The following CNTN5 variants were observed in gnomAD, a reference collection of about 807,000 sequenced individuals.
CNTN5 encodes contactin-5.
Under a neutral mutation model 129.1 loss-of-function variants are expected in CNTN5, and 77 were observed. That is an observed-to-expected ratio of 0.60 (90% confidence interval 0.50 to 0.72). The LOEUF (loss-of-function observed/expected upper bound fraction) is 0.72. CNTN5 is among the 30% of genes least tolerant of loss of function. CNTN5 has a pLI of 0.00. For missense variants in CNTN5, 1,478 were observed against 1,328.8 expected (o/e 1.11, Z -1.75); for synonymous variants, 509 against 465.6 (o/e 1.09, Z -1.20).
chr11:100,031,865 C>A (rs1307533735), intron 9 of CNTN5, among the ~76,000 whole-genome samples: 2 of 152,172 alleles, frequency 1.3e-5, no homozygotes, highest in Non-Finnish European at 2.9e-5. Context: ...CACTAACCTA[C>A]CCCTGCCCTC....
chr11:99,916,727 A>T (rs552337922), intron 7 of CNTN5, among the ~76,000 whole-genome samples: 28 of 152,220 alleles, frequency 1.8e-4, no homozygotes, highest in African/African-American at 6.0e-4. Flanking sequence ...CAGATTAATT[A>T]TACGTCCTTT....
chr11:99,297,207 A>G (rs929488017), intron 1 of CNTN5, among the ~76,000 whole-genome samples: 2 of 152,218 alleles, frequency 1.3e-5, no homozygotes, highest in African/African-American at 4.8e-5. Context: ...CAAGCTCCCA[A>G]GGACATAAAA....
At chr11:99,973,829 C>G (rs77429145) in intron 8 of CNTN5, among the ~76,000 whole-genome samples, 2,930 of 152,234 alleles carry the variant, frequency 0.019, 39 homozygotes, top group Middle Eastern at 0.061. Flanking sequence ...AGAAGTGTTT[C>G]TTCCAGAGTT....
intron 1 of CNTN5, among the ~76,000 whole-genome samples, chr11:99,105,287 A>T (rs1866942733): frequency 7.0e-6 from 1 of 142,916 alleles, no homozygotes; most frequent in Non-Finnish European, 1.5e-5. Context: ...CCAAAAGCAT[A>T]AAAAAATTAC....
At chr11:99,078,666 C>T (rs1270598090) in intron 1 of CNTN5, among the ~76,000 whole-genome samples, 6 of 152,010 alleles carry the variant, frequency 3.9e-5, no homozygotes, top group African/African-American at 7.2e-5. Context: ...GAGGACAGTA[C>T]GTTAAGTGAA....
rs565908083 is a variant in CNTN5 at position 100,357,697 on chromosome 11, T to C, written c.*1477T>C. 6.6e-6 allele frequency: 1 copy of C among 151,942 alleles called. No homozygotes were observed. The highest frequency in any genetic ancestry group is 1.9e-4 in the East Asian group (1 of 5,164). The allele number at this position is 151,942 out of a possible 1,614,324, so 9.4% of individuals were successfully genotyped here. On this transcript the variant is annotated 3_prime_UTR_variant, in exon 25 of 25. Coordinates refer to ENST00000524871, the MANE Select transcript of CNTN5 (RefSeq NM_014361.4). ...TTATATAATTTAAACTTGTTAACTGTATTTGCTTCATTAATAACAAGCAAA... is the reference window on the plus strand; with the variant it reads ...TTATATAATTTAAACTTGTTAACTGCATTTGCTTCATTAATAACAAGCAAA...
At chr11:99,776,780 C>A (rs1945139488) in intron 3 of CNTN5, among the ~76,000 whole-genome samples, 1 of 149,060 alleles carries the variant, frequency 6.7e-6, no homozygotes. Flanking sequence ...ATAGGAAACT[C>A]AATGACAATT....
intron 8 of CNTN5, among the ~76,000 whole-genome samples, chr11:99,990,207 A>G (rs1299425156): frequency 2.0e-5 from 3 of 152,202 alleles, no homozygotes; most frequent in African/African-American, 7.2e-5. Flanking sequence ...GTGGAAAGAC[A>G]TGAATATATT....
rs114557488 is a variant in CNTN5, at chr11:99,280,982, A to G, written c.-209-44364A>G. The stretch of plus-strand genomic sequence containing the variant: ...TTGCAGATTAAAAAAAATCACATAA[A>G]ATTTCTAGTAAATCACAAAAATTTA... On this transcript the variant is annotated intron_variant, in intron 1 of 24. Coordinates refer to ENST00000524871, the MANE Select transcript of CNTN5 (RefSeq NM_014361.4). Among the ~76,000 whole-genome samples, 991 of 151,950 alleles carry G rather than the reference A, an allele frequency of 6.5e-3. 11 individuals are homozygous for G. The highest frequency in any genetic ancestry group is 0.022 in the African/African-American group (926 of 41,490).
intron 18 of CNTN5, among the ~76,000 whole-genome samples, chr11:100,284,647 C>T (rs1276061533): frequency 1.3e-5 from 2 of 152,152 alleles, no homozygotes; most frequent in African/African-American, 2.4e-5. Context: ...CTATACGTTA[C>T]ATGTTCTTAA....
At chr11:99,033,268 T>C (rs1863500638) in intron 1 of CNTN5, among the ~76,000 whole-genome samples, 14 of 152,056 alleles carry the variant, frequency 9.2e-5, no homozygotes, top group Admixed American at 6.6e-4. Context: ...TTTGGTTCCA[T>C]ATGAACTTTA....
chr11:99,776,360 T>A (rs993781811), intron 3 of CNTN5, among the ~76,000 whole-genome samples: 83 of 151,912 alleles, frequency 5.5e-4, no homozygotes, highest in Admixed American at 2.6e-4. Context: ...AGAAATCGAT[T>A]TCAAAATTAA....
At chr11:99,596,159 T>C (rs1950120789) in intron 3 of CNTN5, among the ~76,000 whole-genome samples, 2 of 152,132 alleles carry the variant, frequency 1.3e-5, no homozygotes, top group Non-Finnish European at 2.9e-5. Context: ...AGAAGACCAT[T>C]ACTAAATTTT....
chr11:99,946,972 A>G (rs1950565987), intron 7 of CNTN5, among the ~76,000 whole-genome samples: 1 of 151,860 alleles, frequency 6.6e-6, no homozygotes, highest in African/African-American at 2.4e-5. Context: ...ATGTAGATAT[A>G]AACGTAATTA....
At chr11:99,632,021 T>C (rs1342540778) in intron 3 of CNTN5, among the ~76,000 whole-genome samples, 2 of 152,168 alleles carry the variant, frequency 1.3e-5, no homozygotes, top group Admixed American at 6.5e-5. Context: ...GAAGAACATA[T>C]GTATAGGAAG....
At chr11:99,406,089 G>A (rs964489470) in intron 2 of CNTN5, among the ~76,000 whole-genome samples, 3 of 151,102 alleles carry the variant, frequency 2.0e-5, no homozygotes, top group Non-Finnish European at 4.4e-5. Context: ...ATGTTTTCCT[G>A]GCTTGTCTTG....
intron 1 of CNTN5, among the ~76,000 whole-genome samples, chr11:99,113,754 T>C (rs1214727210): frequency 1.3e-5 from 2 of 152,096 alleles, no homozygotes; most frequent in Non-Finnish European, 2.9e-5. Context: ...GTATGTAGCA[T>C]GGCACACAAA....
intron 3 of CNTN5, among the ~76,000 whole-genome samples, chr11:99,782,041 C>T (rs938517995): frequency 6.6e-6 from 1 of 150,958 alleles, no homozygotes; most frequent in Non-Finnish European, 1.5e-5. Flanking sequence ...CAAATTGTCC[C>T]TGTTTGCAGA....
chr11:99,236,874 C>T (rs534069878), intron 1 of CNTN5, among the ~76,000 whole-genome samples: 27 of 151,948 alleles, frequency 1.8e-4, no homozygotes, highest in Non-Finnish European at 3.1e-4. Context: ...TCGGAGTCTG[C>T]CCAGTGCATT....
Sources: gnomAD v4.1 joint callset for allele counts (sites outside exome capture counted in the v4.1 genomes callset) on GRCh38, gnomAD v4.1.1 for gene constraint, MANE v1.5 for transcripts, NCBI Gene and HGNC (gene_info 2026-07-23, HGNC 2026-07-21) for gene names.